The following RNF130 variants were observed in gnomAD, a reference collection of about 807,000 sequenced individuals.
The protein encoded by RNF130 is E3 ubiquitin-protein ligase RNF130.
A neutral mutation model predicts 44.6 loss-of-function variants in RNF130; 21 were observed. That is an observed-to-expected ratio of 0.47 (90% CI 0.33 to 0.68). The LOEUF (loss-of-function observed/expected upper bound fraction) is 0.68, where lower values mean the gene tolerates loss of function less well. RNF130 is among the 30% of genes least tolerant of loss of function. The probability of loss-of-function intolerance (pLI) is 0.02; values close to 1 mark genes in which losing one functional copy is unlikely to be tolerated. For synonymous variants in RNF130, 214 were observed against 210.4 expected (o/e 1.02, Z -0.15); for missense variants, 479 against 560.6 (o/e 0.85, Z 1.47).
chr5:179,958,735 G>A (rs953553077), intron 8 of RNF130, among the ~76,000 whole-genome samples: 1 of 152,130 alleles, frequency 6.6e-6, no homozygotes, highest in African/African-American at 2.4e-5. Flanking sequence ...CACCCAGGCT[G>A]GAGTGCAATG....
At chr5:179,979,763 G>A (rs1762793260) in intron 4 of RNF130, among the ~76,000 whole-genome samples, 1 of 152,058 alleles carries the variant, frequency 6.6e-6, no homozygotes, top group African/African-American at 2.4e-5. Flanking sequence ...ACCTTTTTAG[G>A]TGAAACTCCC....
At chr5:179,963,389 C>G (rs968248782) in intron 8 of RNF130, 82 bp downstream of exon 8, 2 of 1,040,638 alleles carry the variant, frequency 1.9e-6, no homozygotes, top group Non-Finnish European at 3.0e-6. Context: ...AAAGCCAGTT[C>G]TCACCACCTT....
In RNF130 at chr5:179,955,631, T is replaced by C. The variant is rs1206943926; in HGVS notation, c.*23A>G. 1.3e-6 allele frequency: 2 copies of C among 1,580,524 alleles called. No homozygotes were observed. The highest frequency in any genetic ancestry group is 4.5e-5 in the East Asian group (2 of 44,622). On this transcript the variant is annotated 3_prime_UTR_variant, in exon 9 of 9. Transcript: ENST00000521389. ...CTTTTTTCCTTCAAGGCAAAATCAG[T>C]CAGAAAGCAGGTTTTTTCTTCTTCA...
At chr5:179,996,468 G>T (rs1050882740) in intron 3 of RNF130, among the ~76,000 whole-genome samples, 3 of 152,134 alleles carry the variant, frequency 2.0e-5, no homozygotes, top group Non-Finnish European at 4.4e-5. Context: ...GTCATATATG[G>T]CCTTTATTGT....
At chr5:179,933,756 C>T in intron 7 of RNF130, 1 of 453,592 alleles carries the variant, frequency 2.2e-6, no homozygotes, top group Non-Finnish European at 4.0e-6. Context: ...CTCTTAGGCG[C>T]AAGCGATTCA....
At chr5:180,027,609 T>C (rs1253695518) in intron 2 of RNF130, among the ~76,000 whole-genome samples, 1 of 152,158 alleles carries the variant, frequency 6.6e-6, no homozygotes, top group Non-Finnish European at 1.5e-5. Context: ...AGGACCTTTC[T>C]ATAACCACTG....
intron 8 of RNF130, among the ~76,000 whole-genome samples, chr5:179,958,091 A>G (rs1313508247): frequency 2.0e-5 from 3 of 151,902 alleles, no homozygotes; most frequent in Non-Finnish European, 4.4e-5. Context: ...TTTAGCCGGG[A>G]TGGTCTCGAT....
chr5:180,031,714 T>G (rs1226664885), intron 2 of RNF130, among the ~76,000 whole-genome samples: 1 of 152,262 alleles, frequency 6.6e-6, no homozygotes, highest in Non-Finnish European at 1.5e-5. Context: ...TATGAGCATT[T>G]GTGTGTAAGT....
intron 7 of RNF130, among the ~76,000 whole-genome samples, chr5:179,965,684 C>T (rs889167648): frequency 3.9e-5 from 6 of 152,088 alleles, no homozygotes; most frequent in African/African-American, 1.4e-4. Context: ...TGCTATTAAA[C>T]GAATCGAGAG....
chr5:179,927,719 T>C (rs1306486894), intron 7 of RNF130, among the ~76,000 whole-genome samples: 2 of 151,582 alleles, frequency 1.3e-5, no homozygotes, highest in Non-Finnish European at 2.9e-5. Context: ...CTCCTGAGTA[T>C]GGGACTACAG....
intron 1 of RNF130, among the ~76,000 whole-genome samples, chr5:180,070,899 T>C (rs1488936469): frequency 6.6e-6 from 1 of 152,168 alleles, no homozygotes; most frequent in Non-Finnish European, 1.5e-5. Context: ...ATGTGACATT[T>C]TCAGGCGTCA....
intron 2 of RNF130, among the ~76,000 whole-genome samples, chr5:180,025,804 A>C (rs1032613062): frequency 6.6e-6 from 1 of 152,228 alleles, no homozygotes; most frequent in Non-Finnish European, 1.5e-5. Context: ...TAGAAGCTAA[A>C]AAACTTTAAA....
intron 1 of RNF130, among the ~76,000 whole-genome samples, chr5:180,058,681 G>A (rs1764897477): frequency 6.6e-6 from 1 of 151,992 alleles, no homozygotes; most frequent in Non-Finnish European, 1.5e-5. Context: ...TCAGCCTCCT[G>A]AGTAGCTGAG....
intron 2 of RNF130, among the ~76,000 whole-genome samples, chr5:180,026,000 CAA>C (rs1393211586): frequency 6.6e-6 from 1 of 151,398 alleles, no homozygotes; most frequent in Non-Finnish European, 1.5e-5. Context: ...CTATATTTTA[CAA>C]AGTGTGACAT....
chr5:180,019,674 T>C (rs183629786), intron 2 of RNF130, among the ~76,000 whole-genome samples: 2 of 152,360 alleles, frequency 1.3e-5, no homozygotes, highest in Admixed American at 1.3e-4. Context: ...TACATTCTTT[T>C]AGGAAATGAA....
intron 8 of RNF130, among the ~76,000 whole-genome samples, chr5:179,963,142 T>A (rs1762371395): frequency 6.6e-6 from 1 of 152,222 alleles, no homozygotes; most frequent in Non-Finnish European, 1.5e-5. Flanking sequence ...CCATCAGCGA[T>A]GAGGATGCTG....
chr5:180,003,018 C>T (rs1255610177), intron 3 of RNF130, among the ~76,000 whole-genome samples: 2 of 151,966 alleles, frequency 1.3e-5, no homozygotes, highest in Admixed American at 6.6e-5. Context: ...GAGTTCTGAA[C>T]AGAAAAGTTC....
At chr5:179,938,247 C>A (rs866896412) in intron 7 of RNF130, among the ~76,000 whole-genome samples, 4 of 152,070 alleles carry the variant, frequency 2.6e-5, no homozygotes, top group Admixed American at 6.6e-5. Flanking sequence ...CACGAGTCAC[C>A]GCGCCCAACC....
intron 1 of RNF130, among the ~76,000 whole-genome samples, chr5:180,048,582 G>C (rs1330145560): frequency 6.6e-6 from 1 of 152,170 alleles, no homozygotes; most frequent in African/African-American, 2.4e-5. Context: ...AAGCTACAGT[G>C]AACTGGGATG....
Sources: gnomAD v4.1 joint callset for allele counts (sites outside exome capture counted in the v4.1 genomes callset) on GRCh38, gnomAD v4.1.1 for gene constraint, MANE v1.5 for transcripts, NCBI Gene and HGNC (gene_info 2026-07-23, HGNC 2026-07-21) for gene names.